The following CETP variants were observed in gnomAD, a reference collection of about 807,000 sequenced individuals.
CETP encodes cholesteryl ester transfer protein.
In CETP, 56 loss-of-function variants were observed where a neutral mutation model predicts 66.5. That is an observed-to-expected ratio of 0.84 (90% CI 0.68 to 1.05). The LOEUF (loss-of-function observed/expected upper bound fraction) is 1.05. Among genes scored for constraint, CETP ranks in the 50% least tolerant of loss-of-function variants. The pLI is 0.00. For synonymous variants in CETP, 251 were observed against 245.7 expected (o/e 1.02, Z -0.20); for missense variants, 612 against 609.6 (o/e 1.00, Z -0.04).
At chr16:56,973,299 C>G (rs2056126162) in intron 8 of CETP, 32 bp from the exon 9 acceptor site, 1 of 1,612,574 alleles carries the variant, frequency 6.2e-7, no homozygotes, top group Non-Finnish European at 8.5e-7. Context: ...TAGGGACACA[C>G]AGGGTCCAGC....
At position 56,973,387 on chromosome 16, in the gene CETP, C is replaced by G. The variant is rs762734977; in HGVS notation, c.807C>G (p.Pro269=). 6.2e-7 allele frequency: 1 copy of G among 1,614,178 alleles called. No homozygotes were observed. The highest frequency in any genetic ancestry group is 2.2e-5 in the East Asian group (1 of 44,874). Residue 269 remains proline (P), a synonymous_variant, in exon 9 of 16, where the codon CCC becomes CCG. Transcript: ENST00000200676. ...ACCTCCCCCTCCCCACCTTCTCGCC[C>G]ACACTGCTGGGGGACTCCCGCATGC... ...SEDLPLPTFS[P]TLLGDSRMLY... is the part of the protein sequence containing the mutation.
intron 2 of CETP, among the ~76,000 whole-genome samples, chr16:56,968,180 C>T (rs138003099): frequency 1.2e-4 from 18 of 151,534 alleles, no homozygotes; most frequent in South Asian, 4.2e-4. Flanking sequence ...AGACCTGCAA[C>T]GTTTTGTCAA....
chr16:56,983,732 C>G lies in CETP; in HGVS notation c.*66C>G. The G allele has an allele frequency of 7.0e-7, 1 of 1,435,082 alleles. No individual in the cohort carries two copies. 88.9% of individuals were successfully genotyped at this position (1,435,082 alleles called of 1,614,324 possible). On this transcript the variant is annotated 3_prime_UTR_variant, in exon 16 of 16. Coordinates refer to ENST00000200676, the MANE Select transcript of CETP (RefSeq NM_000078.3). ...CAAGCACCAGGCTCACAGCTGGAAC[C>G]CTGGTGTCTCCTCCAGCGTGGTGGA...
At position 56,971,071 on chromosome 16, in the gene CETP, C is replaced by T; in HGVS notation, c.566C>T (p.Ser189Phe). Residue 189 changes from serine to phenylalanine, a missense_variant, in exon 6 of 16, where the codon TCC becomes TTC. By Grantham distance (155) the Ser-to-Phe change is radical (BLOSUM62 -2). Coordinates refer to ENST00000200676, the MANE Select transcript of CETP (RefSeq NM_000078.3). ...WIKQLFTNFI[S>F]FTLKLVLKGQ... ...AAGCAGCTGTTCACAAATTTCATCT[C>T]CTTCACCCTGAAGCTGGTCCTGAAG... 6.2e-7 allele frequency: 1 copy of T among 1,614,148 alleles called. No homozygotes were observed. The highest frequency in any genetic ancestry group is 1.3e-5 in the African/African-American group (1 of 75,064).
intron 7 of CETP, among the ~76,000 whole-genome samples, chr16:56,971,729 G>A (rs1426616647): frequency 1.3e-5 from 2 of 152,192 alleles, no homozygotes; most frequent in African/African-American, 4.8e-5. Flanking sequence ...CTCCTATGCA[G>A]TACAGAGCAG....
chr16:56,974,837 C>CTCA (rs2056138170), intron 9 of CETP, among the ~76,000 whole-genome samples: 1 of 152,196 alleles, frequency 6.6e-6, no homozygotes, highest in African/African-American at 2.4e-5. Context: ...CATGAGGAAA[C>CTCA]TGAGGCCCAC....
intron 2 of CETP, among the ~76,000 whole-genome samples, chr16:56,964,178 C>A (rs1029202939): frequency 1.3e-5 from 2 of 151,940 alleles, no homozygotes; most frequent in Non-Finnish European, 2.9e-5. Context: ...AGGTGCCCAC[C>A]ACCACGCCCG....
At chr16:56,980,617 C>G (rs542050475) in intron 11 of CETP, among the ~76,000 whole-genome samples, 1 of 152,084 alleles carries the variant, frequency 6.6e-6, no homozygotes, top group South Asian at 2.1e-4. Context: ...AAACATTGAG[C>G]ATTTGTTAAA....
rs2056105681 is a variant in CETP at position 56,971,019 on chromosome 16, C to T, written c.528-14C>T. On this transcript the variant is annotated splice_polypyrimidine_tract_variant and intron_variant, in intron 5 of 15. Transcript: ENST00000200676. ...GACTGGTCAGGGGCTCATTGTGGTG[C>T]TTGCTGCCTTCAGGCCTGGGTGGAT... The T allele has an allele frequency of 1.2e-6, 2 of 1,613,966 alleles. No homozygotes were observed. The highest frequency in any genetic ancestry group is 1.3e-5 in the African/African-American group (1 of 75,056).
intron 11 of CETP, 115 bp downstream of exon 11, chr16:56,978,370 G>T: frequency 1.6e-6 from 2 of 1,240,690 alleles, no homozygotes; most frequent in South Asian, 2.4e-5. Context: ...CACCTCTGCT[G>T]GCACTGGTTG....
At chr16:56,981,302 G>A (rs1046027022) in intron 12 of CETP, 77 bp downstream of exon 12, 30 of 1,219,868 alleles carry the variant, frequency 2.5e-5, no homozygotes, top group South Asian at 7.2e-5. Context: ...GGCACAGGGC[G>A]GGGTGTTGGT....
chr16:56,977,483 T>C (rs939406829), intron 10 of CETP, among the ~76,000 whole-genome samples: 3 of 152,062 alleles, frequency 2.0e-5, no homozygotes, highest in African/African-American at 7.2e-5. Context: ...TCCTGCCACC[T>C]CAGGGAAGGC....
chr16:56,965,388 G>A (rs142534647), intron 2 of CETP, among the ~76,000 whole-genome samples: 2 of 152,266 alleles, frequency 1.3e-5, no homozygotes, highest in South Asian at 2.1e-4. Context: ...TCTCTAAAGC[G>A]AATGGAATAA....
chr16:56,980,001 T>A (rs1160274556), intron 11 of CETP, among the ~76,000 whole-genome samples: 3 of 152,230 alleles, frequency 2.0e-5, no homozygotes, highest in Non-Finnish European at 2.9e-5. Flanking sequence ...AGTAACTTTA[T>A]ATTTGAATAA....
intron 14 of CETP, 121 bp from the exon 15 acceptor site, chr16:56,983,205 G>C (rs150048432): frequency 1.3e-6 from 1 of 790,604 alleles, no homozygotes; most frequent in Non-Finnish European, 2.2e-6. Context: ...AAAGTGAAAC[G>C]CATGTTTACA....
intron 13 of CETP, among the ~76,000 whole-genome samples, chr16:56,981,944 A>G (rs2056191432): frequency 6.6e-6 from 1 of 152,050 alleles, no homozygotes; most frequent in Admixed American, 6.6e-5. Flanking sequence ...CTGGACCTCA[A>G]TTTTCCCTCT....
chr16:56,981,580 T>A, intron 12 of CETP, 67 bp from the exon 13 acceptor site: 1 of 1,559,840 alleles, frequency 6.4e-7, no homozygotes, highest in Non-Finnish European at 8.8e-7. Context: ...TTAGAGTTTC[T>A]TTCCCAGGGG....
intron 6 of CETP, 78 bp downstream of exon 6, chr16:56,971,180 T>A: frequency 6.5e-7 from 1 of 1,543,772 alleles, no homozygotes. Flanking sequence ...TGCCTTTCCC[T>A]GAGAAGGTGC....
intron 7 of CETP, among the ~76,000 whole-genome samples, chr16:56,971,618 TGATTAAGTCCAAGAGGACTCCAA>T (rs1471807258): frequency 6.6e-6 from 1 of 152,040 alleles, no homozygotes; most frequent in Non-Finnish European, 1.5e-5. Flanking sequence ...GACAAATGGG[TGATTAAGTCCAAGAGGACTCCAA>T]GATTCTCCTG....
Sources: gnomAD v4.1 joint callset for allele counts (sites outside exome capture counted in the v4.1 genomes callset) on GRCh38, gnomAD v4.1.1 for gene constraint, MANE v1.5 for transcripts, NCBI Gene and HGNC (gene_info 2026-07-23, HGNC 2026-07-21) for gene names.